Variants in PIK3C2G observed in about 807,000 individuals in gnomAD.
The protein encoded by PIK3C2G is phosphatidylinositol 3-kinase C2 domain-containing subunit gamma.
In PIK3C2G, 168 loss-of-function variants were observed where a neutral mutation model predicts 181.1. That is an observed-to-expected ratio of 0.93 (90% CI 0.82 to 1.05). PIK3C2G has a LOEUF of 1.05. PIK3C2G is among the 50% of genes least tolerant of loss of function. The pLI, the probability that PIK3C2G is intolerant of heterozygous loss-of-function variation, is 0.00. For missense variants in PIK3C2G, 1,869 were observed against 1,732.8 expected (o/e 1.08, Z -1.40); for synonymous variants, 573 against 592.2 (o/e 0.97, Z 0.47).
At chr12:18,636,986 A>G (rs1399874989) in intron 31 of PIK3C2G, among the ~76,000 whole-genome samples, 1 of 152,154 alleles carries the variant, frequency 6.6e-6, no homozygotes, top group Non-Finnish European at 1.5e-5. Flanking sequence ...AGAAGTAACC[A>G]TAGGATGGTT....
chr12:18,509,051 TTTTA>T (rs946184151), intron 24 of PIK3C2G, among the ~76,000 whole-genome samples: 9 of 152,220 alleles, frequency 5.9e-5, no homozygotes, highest in East Asian at 1.9e-4. Flanking sequence ...GCTTTTTTAT[TTTTA>T]TTTATTTATT....
intron 11 of PIK3C2G, among the ~76,000 whole-genome samples, chr12:18,359,454 G>T (rs1457595044): frequency 1.3e-5 from 2 of 152,080 alleles, no homozygotes; most frequent in Non-Finnish European, 2.9e-5. Context: ...GGTCCATTTG[G>T]TCTATAGCGT....
At chr12:18,292,210 C>CAAAAAAAAAAAA (rs745371375) in intron 4 of PIK3C2G, among the ~76,000 whole-genome samples, 67 of 28,504 alleles carry the variant, frequency 2.4e-3, no homozygotes, top group Non-Finnish European at 3.0e-3. Context: ...AACTCCATCT[C>CAAAAAAAAAAAA]AAAAAAAAAA....
chr12:18,518,513 T>G (rs1319395564), intron 24 of PIK3C2G, among the ~76,000 whole-genome samples: 1 of 152,204 alleles, frequency 6.6e-6, no homozygotes, highest in Non-Finnish European at 1.5e-5. Flanking sequence ...TTTTCTAGTT[T>G]ATTTGCGTAG....
At chr12:18,311,264 C>T (rs986221651) in intron 5 of PIK3C2G, among the ~76,000 whole-genome samples, 5 of 151,628 alleles carry the variant, frequency 3.3e-5, no homozygotes, top group African/African-American at 9.7e-5. Flanking sequence ...AGAACTAAGA[C>T]CTAGTTTTTG....
At chr12:18,655,459 A>G in the PIK3C2G span, among the ~76,000 whole-genome samples, 1 of 152,212 alleles carries the variant, frequency 6.6e-6, no homozygotes, top group African/African-American at 2.4e-5. Flanking sequence ...AGAATTCCTA[A>G]TTATTTATGG....
intron 18 of PIK3C2G, among the ~76,000 whole-genome samples, chr12:18,483,285 T>C (rs889060111): frequency 6.6e-6 from 1 of 152,170 alleles, no homozygotes; most frequent in Non-Finnish European, 1.5e-5. Context: ...AAGTTTGCCT[T>C]TGCCCTGTTG....
chr12:18,445,028 A>G (rs371379413), intron 18 of PIK3C2G, among the ~76,000 whole-genome samples: 2 of 152,238 alleles, frequency 1.3e-5, no homozygotes, highest in East Asian at 1.9e-4. Context: ...AAAATTTTAA[A>G]TCAGTGGAGG....
the PIK3C2G span, among the ~76,000 whole-genome samples, chr12:18,690,764 A>G: frequency 6.6e-6 from 1 of 152,110 alleles, no homozygotes; most frequent in Non-Finnish European, 1.5e-5. Flanking sequence ...AGGCTGAAAG[A>G]ATGCTCTAGT....
At chr12:18,720,858 CCA>C in the PIK3C2G span, among the ~76,000 whole-genome samples, 1 of 151,556 alleles carries the variant, frequency 6.6e-6, no homozygotes, top group Non-Finnish European at 1.5e-5. Context: ...TACTAAGCAG[CCA>C]TTAAGAATAA....
chr12:18,650,325 C>CTATA (rs1215059836), downstream of PIK3C2G, among the ~76,000 whole-genome samples: 161 of 74,878 alleles, frequency 2.2e-3, no homozygotes, highest in African/African-American at 4.7e-3. Context: ...CTCTCTCTCT[C>CTATA]TCTCTCTATA....
At chr12:18,630,434 T>G (rs1949301414) in intron 31 of PIK3C2G, among the ~76,000 whole-genome samples, 1 of 151,852 alleles carries the variant, frequency 6.6e-6, no homozygotes, top group African/African-American at 2.4e-5. Flanking sequence ...AAGAATAAGA[T>G]GAAAGGAAGC....
intron 29 of PIK3C2G, among the ~76,000 whole-genome samples, chr12:18,567,853 G>T (rs2136357000): frequency 6.6e-6 from 1 of 152,254 alleles, no homozygotes; most frequent in South Asian, 2.1e-4. Flanking sequence ...CTGGAATTTA[G>T]AAGTCTGAAA....
rs1565562617 is a variant in PIK3C2G, at chr12:18,292,218, A to AC, written c.919+1206_919+1207insC. 4.3e-4 allele frequency among the ~76,000 whole-genome samples: 40 copies of AC among 93,040 alleles called. 1 individual carries two copies. The highest frequency in any genetic ancestry group is 1.4e-3 in the African/African-American group (36 of 25,344). The allele number at this position is 93,040 out of a possible 152,430, so 61.0% of individuals were successfully genotyped here. A position where few individuals can be genotyped will look rare whatever the true frequency, so the allele number is the denominator to read the frequency against. On this transcript the variant is annotated intron_variant, in intron 4 of 32. Transcript: ENST00000538779. ...AGAGCAAAACTCCATCTCAAAAAAA[A>AC]AAAAAAAAAATATATATATATATAT...
At chr12:18,592,562 T>C (rs758832798) in intron 29 of PIK3C2G, among the ~76,000 whole-genome samples, 1 of 151,800 alleles carries the variant, frequency 6.6e-6, no homozygotes, top group Non-Finnish European at 1.5e-5. Flanking sequence ...GATCATAAAG[T>C]GAGTAGAAAT....
chr12:18,613,746 G>A (rs1393877146), intron 31 of PIK3C2G, among the ~76,000 whole-genome samples: 6 of 151,886 alleles, frequency 4.0e-5, no homozygotes, highest in Non-Finnish European at 8.8e-5. Context: ...AGCCTCTCTG[G>A]TGCAAATGGT....
At chr12:18,418,130 T>C (rs12304699) in intron 16 of PIK3C2G, among the ~76,000 whole-genome samples, 113 of 152,334 alleles carry the variant, frequency 7.4e-4, no homozygotes, top group African/African-American at 2.6e-3. Context: ...TCATCTTCAG[T>C]TGAATTAGTC....
rs560358127 is a variant in PIK3C2G, at chr12:18,313,694, C to T, written c.1035-268C>T. On this transcript the variant is annotated intron_variant, in intron 5 of 32. Transcript: ENST00000538779. ...AGGTGTCTAATCATTTAATCATTTT[C>T]TAACTTATTAATGCACATAAAAATT... Among the ~76,000 whole-genome samples the T allele has an allele frequency of 3.7e-4, 56 of 151,908 alleles. No homozygotes were observed. The South Asian group carries it at 0.011, about 31-fold the overall frequency.
chr12:18,437,448 T>G (rs1946509264), intron 18 of PIK3C2G, among the ~76,000 whole-genome samples: 1 of 151,962 alleles, frequency 6.6e-6, no homozygotes, highest in Non-Finnish European at 1.5e-5. Flanking sequence ...TTTTGACCAA[T>G]GAAAAATGAA....
Sources: allele counts gnomAD v4.1 joint callset (sites outside exome capture counted in the v4.1 genomes callset), GRCh38; gene constraint gnomAD v4.1.1; transcripts MANE v1.5; gene names NCBI Gene and HGNC (gene_info 2026-07-23, HGNC 2026-07-21).